TMEM130: variants seen among roughly 807,000 people sequenced by gnomAD.
TMEM130 encodes the protein transmembrane protein 130.
A neutral mutation model predicts 42.9 loss-of-function variants in TMEM130; 37 were observed. The observed-to-expected ratio is 0.86, with a 90% CI of 0.66 to 1.13. TMEM130 has a LOEUF of 1.13. TMEM130 is among the 50% of genes most tolerant of loss of function. The pLI, the probability that TMEM130 is intolerant of heterozygous loss-of-function variation, is 0.00. For synonymous variants in TMEM130, 259 were observed against 237.7 expected (o/e 1.09, Z -0.82); for missense variants, 545 against 562.6 (o/e 0.97, Z 0.32).
intron 2 of TMEM130, among the ~76,000 whole-genome samples, chr7:98,862,691 G>C (rs1489399312): frequency 6.6e-6 from 1 of 151,928 alleles, no homozygotes; most frequent in African/African-American, 2.4e-5. Flanking sequence ...GTGGAGACGG[G>C]GTTTTGTCAT....
At chr7:98,867,484 C>A (rs1794934002) in intron 1 of TMEM130, among the ~76,000 whole-genome samples, 1 of 152,208 alleles carries the variant, frequency 6.6e-6, no homozygotes, top group Admixed American at 6.5e-5. Flanking sequence ...CTCCCTGCCA[C>A]CCCAGCTGAG....
At chr7:98,848,325 G>T in intron 7 of TMEM130, 117 bp from the exon 8 acceptor site, 1 of 1,242,834 alleles carries the variant, frequency 8.0e-7, no homozygotes, top group Non-Finnish European at 1.1e-6. Flanking sequence ...CAGCTGCCTG[G>T]TGGCAGAGTG....
At chr7:98,867,872 A>G (rs781923520) in intron 1 of TMEM130, among the ~76,000 whole-genome samples, 1 of 152,220 alleles carries the variant, frequency 6.6e-6, no homozygotes, top group African/African-American at 2.4e-5. Context: ...GAAATGGACC[A>G]GGAAGCCTTT....
chr7:98,856,960 G>T (rs1794648183), intron 3 of TMEM130, among the ~76,000 whole-genome samples: 1 of 149,572 alleles, frequency 6.7e-6, no homozygotes, highest in Admixed American at 6.7e-5. Context: ...CTGCTCTGTT[G>T]CCCTGGCTGG....
At position 98,865,595 on chromosome 7, in the gene TMEM130, C is replaced by T. The variant is rs139312948; in HGVS notation, c.86-2195G>A. Among the ~76,000 whole-genome samples the T allele has an allele frequency of 2.5e-3, 385 of 152,028 alleles. 2 individuals are homozygous for T. The highest frequency in any genetic ancestry group is 8.8e-3 in the African/African-American group (366 of 41,490). On this transcript the variant is annotated intron_variant, in intron 1 of 7. Coordinates refer to ENST00000339375, the MANE Select transcript of TMEM130 (RefSeq NM_152913.3). ...TGCACTCCAGCCTGGACGACAAGAG[C>T]GAAACTGTCTCAAAAAAATTTAAAA...
chr7:98,852,034 G>T (rs1373298782), intron 5 of TMEM130, among the ~76,000 whole-genome samples: 1 of 152,104 alleles, frequency 6.6e-6, no homozygotes, highest in Non-Finnish European at 1.5e-5. Context: ...GCAGCCTCCA[G>T]CTCCTGAGCT....
Position 98,848,194 on chromosome 7 carries a change from G to A in TMEM130, c.1134C>T (p.Pro378=), listed in dbSNP as rs1554397660. 1.2e-6 allele frequency: 2 copies of A among 1,614,096 alleles called. No homozygotes were observed. Among genetic ancestry groups the A allele is most frequent in the African/African-American group, 2.7e-5 (2 of 75,040 alleles). Residue 378 remains proline, a synonymous_variant, in exon 8 of 8, where the codon CCC becomes CCT. Coordinates refer to ENST00000339375, the MANE Select transcript of TMEM130 (RefSeq NM_152913.3). ...QKDMVENPEP[P]SGVRCCCQMC... Reference sequence around the variant, plus strand: ...TCTGGCAGCAGCACCTGACCCCAGAGGGTGGCTCCGGGTTCTTGTCAGACA... The same window carrying A: ...TCTGGCAGCAGCACCTGACCCCAGAAGGTGGCTCCGGGTTCTTGTCAGACA...
chr7:98,857,220 C>A (rs1398078146), intron 3 of TMEM130, among the ~76,000 whole-genome samples: 1 of 152,036 alleles, frequency 6.6e-6, no homozygotes. Context: ...ACCATAGGCC[C>A]GCACTTATTT....
At chr7:98,866,401 T>G (rs1195665694) in intron 1 of TMEM130, 1 of 152,190 alleles carries the variant, frequency 6.6e-6, no homozygotes, top group Admixed American at 6.5e-5. Context: ...AGGCAACATT[T>G]TAAAGTAAAA....
Position 98,856,008 on chromosome 7 carries a change from G to A in TMEM130, c.718+9C>T, listed in dbSNP as rs1554398922. 6.2e-6 allele frequency: 10 copies of A among 1,611,450 alleles called. No homozygotes were observed. Among genetic ancestry groups the A allele is most frequent in the Non-Finnish European group, 8.5e-6 (10 of 1,179,864 alleles). On this transcript the variant is annotated intron_variant, in intron 4 of 7. Coordinates refer to ENST00000339375, the MANE Select transcript of TMEM130 (RefSeq NM_152913.3). ...CGCCCAGACTGCATCAGCCTGCCTG[G>A]ACACCCACCCTGCAGCTTCAGCGAG...
rs200706953 is a variant in TMEM130 at position 98,863,225 on chromosome 7, C to G, written c.261G>C (p.Lys87Asn). The change falls in exon 2 of 8, where the codon AAG becomes AAC. Residue 87 changes from lysine to asparagine, a missense_variant. Coordinates refer to ENST00000339375, the MANE Select transcript of TMEM130 (RefSeq NM_152913.3). ...TPLVLTGKME[K>N]GLSSTIRVVG... The stretch of plus-strand genomic sequence containing the variant: ...CCACACGGATGGTGGAGCTGAGACC[C>G]TTCTCCATCTTGCCAGTAAGCACCA... The G allele has an allele frequency of 1.2e-6, 2 of 1,614,144 alleles. No individual in the cohort carries two copies. Among genetic ancestry groups the G allele is most frequent in the African/African-American group, 2.7e-5 (2 of 75,078 alleles).
rs782716080 is a variant in TMEM130, at chr7:98,848,681, C to T, written c.1021G>A (p.Val341Ile). Reference protein sequence around the residue: ...QVWPSRIQPAVFAFPCATLIT... With the variant: ...QVWPSRIQPAIFAFPCATLIT... Reference sequence around the variant, plus strand: ...AGTGTAGCACATGGGAAAGCAAAGACAGCCGGCTGGATTCCTGGGAATGAA... The same window carrying T: ...AGTGTAGCACATGGGAAAGCAAAGATAGCCGGCTGGATTCCTGGGAATGAA... Residue 341 changes from valine (V) to isoleucine (I), a missense_variant, in exon 7 of 8, where the codon GTC (valine) becomes ATC (isoleucine). By Grantham distance (29) the Val-to-Ile change is conservative. Transcript: ENST00000339375. The T allele has an allele frequency of 1.2e-6, 2 of 1,613,354 alleles. No individual in the cohort carries two copies. The highest frequency in any genetic ancestry group is 1.7e-6 in the Non-Finnish European group (2 of 1,179,250).
In TMEM130 at chr7:98,848,152, G is replaced by A. The variant is rs145052720; in HGVS notation, c.1176C>T (p.Phe392=). The change falls in exon 8 of 8, where the codon TTC becomes TTT. Residue 392 remains phenylalanine (F), a synonymous_variant. Transcript: ENST00000339375. ...RCCCQMCCGP[F]LLETPSEYLE... The stretch of plus-strand genomic sequence containing the variant: ...GGTACTCAGATGGAGTCTCCAGCAA[G>A]AAAGGCCCACAGCACATCTGGCAGC... 3.0e-5 allele frequency: 48 copies of A among 1,614,044 alleles called. No homozygotes were observed. In the African/African-American group the frequency reaches 6.0e-4, roughly 20 times the overall value.
chr7:98,863,306 G>C lies in TMEM130; in HGVS notation c.180C>G (p.Ser60Arg). Residue 60 changes from serine to arginine, a missense_variant, in exon 2 of 8, where the codon AGC (serine) becomes AGG (arginine). Physicochemically the swap from Ser to Arg is moderately radical, Grantham distance 110. Coordinates refer to ENST00000339375, the MANE Select transcript of TMEM130 (RefSeq NM_152913.3). ...GGTGGGCGTCAGCGGGCAGGGCCAG[G>C]CTGCCGTTGTCCTTGGCCACCAGGC... ...SASLVAKDNG[S>R]LALPADAHLY... The C allele has an allele frequency of 6.2e-7, 1 of 1,613,012 alleles. No individual in the cohort carries two copies. Among genetic ancestry groups the C allele is most frequent in the South Asian group, 1.1e-5 (1 of 91,066 alleles).
At chr7:98,864,785 A>G (rs1794871512) in intron 1 of TMEM130, among the ~76,000 whole-genome samples, 1 of 152,166 alleles carries the variant, frequency 6.6e-6, no homozygotes, top group African/African-American at 2.4e-5. Flanking sequence ...CTGTAATCCC[A>G]GCTACTCAGG....
At chr7:98,849,672 G>A (rs1484056465) in intron 6 of TMEM130, among the ~76,000 whole-genome samples, 1 of 152,162 alleles carries the variant, frequency 6.6e-6, no homozygotes, top group Non-Finnish European at 1.5e-5. Flanking sequence ...GAAGACAAGT[G>A]CAGCTGGCAG....
chr7:98,855,211 A>AC (rs782027054), intron 5 of TMEM130, 29 bp downstream of exon 5: 86 of 1,596,222 alleles, frequency 5.4e-5, no homozygotes, highest in Non-Finnish European at 6.9e-5. Flanking sequence ...CCCACGGGGC[A>AC]CCCCCAGTGC....
rs990066485 is a variant in TMEM130 at position 98,853,068 on chromosome 7, A to G, written c.804-1445T>C. 2.0e-5 allele frequency among the ~76,000 whole-genome samples: 3 copies of G among 152,322 alleles called. No homozygotes were observed. The East Asian group carries it at 5.8e-4, about 29-fold the overall frequency. ...AAGCTGGAAAATGCAGGTCCATCCA[A>G]GGAATGTGAAATGAGCATTCCAATT... On this transcript the variant is annotated intron_variant, in intron 5 of 7. Transcript: ENST00000339375.
intron 6 of TMEM130, among the ~76,000 whole-genome samples, chr7:98,850,273 A>ATATATATATATATATATTTTTTTTTTTT: frequency 1.1e-4 from 4 of 35,472 alleles, no homozygotes; most frequent in East Asian, 7.7e-4. Context: ...ATATATATAT[A>ATATATATATATATATATTTTTTTTTTTT]TTTTTTTTTT....
Sources: allele counts gnomAD v4.1 joint callset (sites outside exome capture counted in the v4.1 genomes callset), GRCh38; gene constraint gnomAD v4.1.1; transcripts MANE v1.5; gene names NCBI Gene and HGNC (gene_info 2026-07-23, HGNC 2026-07-21).